Variants in F5 observed in about 807,000 individuals in gnomAD.
The protein encoded by F5 is coagulation factor V.
In F5, 138 loss-of-function variants were observed where a neutral mutation model predicts 216.4. That is an observed-to-expected ratio of 0.64 (90% CI 0.56 to 0.73). The LOEUF (loss-of-function observed/expected upper bound fraction) is 0.73. F5 is among the 30% of genes least tolerant of loss of function. The pLI is 0.00. For synonymous variants in F5, 916 were observed against 930.7 expected (o/e 0.98, Z 0.29); for missense variants, 2,403 against 2,674.0 (o/e 0.90, Z 2.24).
In F5 at chr1:169,540,505, C is replaced by T; in HGVS notation, c.4585G>A (p.Glu1529Lys). The change falls in exon 13 of 25, where the codon GAA becomes AAA. Residue 1529 changes from glutamate (E) to lysine (K), a missense_variant. By Grantham distance (56) the Glu-to-Lys change is moderately conservative. This residue lies in a region of F5 where 293 missense variants were observed against 270.8 expected (regional missense o/e 1.08). Coordinates refer to ENST00000367797, the MANE Select transcript of F5 (RefSeq NM_000130.5). Reference sequence around the variant, plus strand: ...TCATCTTCACTGCTCTGGACCTCTTCCTTTGGAATGATCTCAATGTAATCT... The same window carrying T: ...TCATCTTCACTGCTCTGGACCTCTTTCTTTGGAATGATCTCAATGTAATCT... ...GTDYIEIIPKEEVQSSEDDYA... is the reference protein window; with the variant it reads ...GTDYIEIIPKKEVQSSEDDYA... 1.2e-6 allele frequency: 2 copies of T among 1,613,934 alleles called. No individual in the cohort carries two copies. The highest frequency in any genetic ancestry group is 1.7e-6 in the Non-Finnish European group (2 of 1,179,942).
rs888431972 is a variant in F5, at chr1:169,542,204, A to G, written c.2886T>C (p.Thr962=). The part of the protein sequence containing the change: ...EKGSYEIIQD[T]DEDTAVNNWL... ...AATTGTTAACAGCTGTGTCTTCATC[A>G]GTATCTTGGATTATTTCATAGCTAC... is the stretch of plus-strand genomic sequence containing the variant. The change falls in exon 13 of 25, where the codon ACT becomes ACC. Residue 962 remains threonine (T), a synonymous_variant. Coordinates refer to ENST00000367797, the MANE Select transcript of F5 (RefSeq NM_000130.5). The G allele has an allele frequency of 8.1e-6, 13 of 1,614,074 alleles. No individual in the cohort carries two copies. Among genetic ancestry groups the G allele is most frequent in the Non-Finnish European group, 1.1e-5 (13 of 1,179,980 alleles).
At chr1:169,528,797 G>A (rs1009455812) in intron 16 of F5, among the ~76,000 whole-genome samples, 1 of 152,062 alleles carries the variant, frequency 6.6e-6, no homozygotes, top group Non-Finnish European at 1.5e-5. Flanking sequence ...GTTACCAAAC[G>A]TTTAACTGAA....
Position 169,527,900 on chromosome 1 carries a change from T to C in F5, c.5599+15A>G, listed in dbSNP as rs756265573. ...ATTTCTTAGCAGGGACCTCTTCCCA[T>C]TACCCAATCTTTACCAGGCAGAAGG... On this transcript the variant is annotated intron_variant, in intron 17 of 24. Transcript: ENST00000367797. The C allele has an allele frequency of 7.4e-6, 12 of 1,612,722 alleles. No individual in the cohort carries two copies. Among genetic ancestry groups the C allele is most frequent in the Non-Finnish European group, 1.0e-5 (12 of 1,179,562 alleles).
At chr1:169,534,073 C>CCCTGT (rs1659648695) in intron 14 of F5, among the ~76,000 whole-genome samples, 1 of 152,154 alleles carries the variant, frequency 6.6e-6, no homozygotes, top group African/African-American at 2.4e-5. Flanking sequence ...CTGTGAAAAT[C>CCCTGT]CCTGTCCTGT....
Position 169,514,342 on chromosome 1 carries a change from G to A in F5, c.6646C>T (p.Leu2216=), listed in dbSNP as rs1244649097. ...KTWNQSIALR[L]ELFGCDIY ...TAAATATCACAGCCAAAGAGTTCCA[G>A]GCGAAGTGCAATACTTTGATTCCAT... Residue 2216 remains leucine (L), a synonymous_variant, in exon 25 of 25, where the codon CTG becomes TTG. Coordinates refer to ENST00000367797, the MANE Select transcript of F5 (RefSeq NM_000130.5). 1 of 1,613,198 alleles carries A rather than the reference G, an allele frequency of 6.2e-7. No individual in the cohort carries two copies. The highest frequency in any genetic ancestry group is 1.7e-5 in the Admixed American group (1 of 59,880).
intron 3 of F5, among the ~76,000 whole-genome samples, chr1:169,562,354 A>G (rs1344163781): frequency 6.6e-6 from 1 of 152,004 alleles, no homozygotes; most frequent in Non-Finnish European, 1.5e-5. Context: ...TTTTTTACCT[A>G]TCTTTGTCTC....
intron 14 of F5, among the ~76,000 whole-genome samples, chr1:169,533,848 A>G (rs1182605095): frequency 6.6e-6 from 1 of 152,156 alleles, no homozygotes; most frequent in Non-Finnish European, 1.5e-5. Context: ...AAAGAATTTG[A>G]AACAGAACTA....
chr1:169,565,920 C>T (rs565737704), intron 3 of F5, among the ~76,000 whole-genome samples: 3 of 152,002 alleles, frequency 2.0e-5, no homozygotes, highest in Non-Finnish European at 4.4e-5. Context: ...CTGTCAAGAG[C>T]TGAGAAATGA....
At chr1:169,568,333 C>T (rs1660655386) in intron 3 of F5, among the ~76,000 whole-genome samples, 1 of 152,012 alleles carries the variant, frequency 6.6e-6, no homozygotes, top group Non-Finnish European at 1.5e-5. Flanking sequence ...AGTGAGATGG[C>T]TAATGAGACA....
Position 169,530,837 on chromosome 1 carries a change from T to G in F5, c.5157A>C (p.Glu1719Asp). ...VWHATERSGP[E>D]SPGSACRAWA... ...AAGCCCGACAGGCAGAGCCAGGACT[T>G]TCTGGCCCTGATCGCTCAGTGGCAT... Residue 1719 changes from glutamate to aspartate, a missense_variant, in exon 15 of 25, where the codon GAA (glutamate) becomes GAC (aspartate). Transcript: ENST00000367797. 1.2e-6 allele frequency: 2 copies of G among 1,613,936 alleles called. No individual in the cohort carries two copies. The highest frequency in any genetic ancestry group is 1.7e-6 in the Non-Finnish European group (2 of 1,179,826).
rs542347980 is a variant in F5 at position 169,528,076 on chromosome 1, T to C, written c.5438A>G (p.Tyr1813Cys). 6.8e-6 allele frequency: 11 copies of C among 1,613,870 alleles called. No individual in the cohort carries two copies. The African/African-American group carries it at 1.1e-4, about 16-fold the overall frequency. ...HEFHAINGMI[Y>C]SLPGLKMYEQ... is the part of the protein sequence containing the mutation. ...ATACATTTTCAGGCCAGGCAAGCTGTAGATCATCCCATTAATGGCTGAAAG... is the reference window on the plus strand; with the variant it reads ...ATACATTTTCAGGCCAGGCAAGCTGCAGATCATCCCATTAATGGCTGAAAG... Residue 1813 changes from tyrosine to cysteine, a missense_variant, in exon 17 of 25, where the codon TAC (tyrosine) becomes TGC (cysteine). By Grantham distance (194) the Tyr-to-Cys change is radical. Transcript: ENST00000367797.
chr1:169,523,468 A>G (rs1571560988), intron 20 of F5, 116 bp from the exon 21 acceptor site: 2 of 1,218,598 alleles, frequency 1.6e-6, no homozygotes, highest in Non-Finnish European at 2.4e-6. Flanking sequence ...ATAAGATCTT[A>G]GCAAACTGAT....
At position 169,557,187 on chromosome 1, in the gene F5, G is replaced by T. The variant is rs4656188; in HGVS notation, c.731-320C>A. ...AAGGGAACCAAGAAGGTAACCGACT[G>T]TTCTGGTCTGAGGGGTTTCCCAAGA... On this transcript the variant is annotated intron_variant, in intron 5 of 24. Coordinates refer to ENST00000367797, the MANE Select transcript of F5 (RefSeq NM_000130.5). Among the ~76,000 whole-genome samples, 90,896 of 152,088 alleles carry T rather than the reference G, an allele frequency of 0.6. 28,610 individuals are homozygous for T. Among genetic ancestry groups the T allele is most frequent in the East Asian group, 0.87 (4,501 of 5,162 alleles).
Position 169,542,305 on chromosome 1 carries a change from T to G in F5, c.2785A>C (p.Ser929Arg). 6.2e-7 allele frequency: 1 copy of G among 1,614,098 alleles called. No homozygotes were observed. The highest frequency in any genetic ancestry group is 2.2e-5 in the East Asian group (1 of 44,876). ...SRMRPWKDPPSDLLLLKQSNS... is the reference protein window; with the variant it reads ...SRMRPWKDPPRDLLLLKQSNS... Reference sequence around the variant, plus strand: ...CTTTGTTTTAAGAGTAACAGATCACTAGGAGGGTCCTTCCAGGGCCTCATT... The same window carrying G: ...CTTTGTTTTAAGAGTAACAGATCACGAGGAGGGTCCTTCCAGGGCCTCATT... The change falls in exon 13 of 25, where the codon AGT (serine) becomes CGT (arginine). Residue 929 changes from serine to arginine, a missense_variant. Physicochemically the swap from Ser to Arg is moderately radical, Grantham distance 110. Around this residue, in one of 4 missense-constraint regions of F5, gnomAD observed 1,425 missense variants for 1,554.8 expected, o/e 0.92. Transcript: ENST00000367797.
At chr1:169,534,270 G>A (rs1659655305) in intron 14 of F5, among the ~76,000 whole-genome samples, 2 of 152,178 alleles carry the variant, frequency 1.3e-5, no homozygotes, top group South Asian at 4.1e-4. Flanking sequence ...GCTGAATAAA[G>A]CCCTTCCTTC....
intron 2 of F5, among the ~76,000 whole-genome samples, chr1:169,575,103 A>G (rs1226100234): frequency 1.3e-5 from 2 of 152,238 alleles, no homozygotes; most frequent in Non-Finnish European, 1.5e-5. Context: ...TCTGAAGAGT[A>G]TTTGACAGTG....
Position 169,530,870 on chromosome 1 carries a change from G to A in F5, c.5124C>T (p.Tyr1708=), listed in dbSNP as rs199568344. The A allele has an allele frequency of 2.9e-4, 460 of 1,613,856 alleles. No homozygotes were observed. Among genetic ancestry groups the A allele is most frequent in the Non-Finnish European group, 3.6e-4 (420 of 1,179,878 alleles). ...NAVQPNSSYT[Y]VWHATERSGP... is the part of the protein sequence containing the mutation. ...CTGATCGCTCAGTGGCATGCCATAC[G>A]TAGGTATAACTGCTATTTGGCTGAA... The change falls in exon 15 of 25, where the codon TAC becomes TAT. Residue 1708 remains tyrosine (Y), a synonymous_variant. Coordinates refer to ENST00000367797, the MANE Select transcript of F5 (RefSeq NM_000130.5).
intron 11 of F5, among the ~76,000 whole-genome samples, chr1:169,544,935 G>A (rs1659964051): frequency 6.6e-6 from 1 of 152,170 alleles, no homozygotes; most frequent in Non-Finnish European, 1.5e-5. Flanking sequence ...ATATTTTATA[G>A]TTTTTATTGC....
At chr1:169,577,572 T>C (rs1297293827) in intron 2 of F5, among the ~76,000 whole-genome samples, 2 of 87,918 alleles carry the variant, frequency 2.3e-5, no homozygotes, top group African/African-American at 1.0e-4. Flanking sequence ...TATATATATA[T>C]ATATATATAT....
Sources: allele counts gnomAD v4.1 joint callset (sites outside exome capture counted in the v4.1 genomes callset), GRCh38; gene constraint gnomAD v4.1.1; regional missense constraint gnomAD v4.1.1; transcripts MANE v1.5; gene names NCBI Gene and HGNC (gene_info 2026-07-23, HGNC 2026-07-21).